PTPRD: variants seen among roughly 807,000 people sequenced by gnomAD.
PTPRD encodes the protein protein tyrosine phosphatase receptor type D.
Under a neutral mutation model 214.5 loss-of-function variants are expected in PTPRD, and 34 were observed. The ratio of observed to expected loss-of-function variants is 0.16; its 90% CI spans 0.12 to 0.21. The LOEUF is 0.21. PTPRD is among the 10% of genes least tolerant of loss of function. The pLI is 1.00. For synonymous variants in PTPRD, 1,128 were observed against 845.7 expected, an observed-to-expected ratio of 1.33 and a Z score of -5.79; for missense variants, 2,545 against 2,398.7, an observed-to-expected ratio of 1.06 and a Z score of -1.27.
At chr9:9,172,581 A>T (rs1241498731) in intron 10 of PTPRD, among the ~76,000 whole-genome samples, 1 of 152,082 alleles carries the variant, frequency 6.6e-6, no homozygotes, top group Non-Finnish European at 1.5e-5. Context: ...TAATTGGCTT[A>T]TTCATGATAG....
chr9:9,839,939 A>G (rs2057866922), intron 5 of PTPRD, among the ~76,000 whole-genome samples: 1 of 152,126 alleles, frequency 6.6e-6, no homozygotes, highest in Non-Finnish European at 1.5e-5. Context: ...CAAGTTGAAA[A>G]TTTGTATATA....
chr9:9,000,150 A>G (rs2099412254), intron 11 of PTPRD, among the ~76,000 whole-genome samples: 1 of 152,070 alleles, frequency 6.6e-6, no homozygotes, highest in Admixed American at 6.6e-5. Flanking sequence ...AGATAATTTC[A>G]TTGATTGCTT....
At chr9:10,310,654 G>A (rs1481239317) in intron 3 of PTPRD, among the ~76,000 whole-genome samples, 12 of 152,090 alleles carry the variant, frequency 7.9e-5, no homozygotes, top group Admixed American at 2.6e-4. Context: ...GTGTTTACAC[G>A]AATCCCAATG....
intron 11 of PTPRD, among the ~76,000 whole-genome samples, chr9:8,893,574 A>T (rs2098562806): frequency 6.6e-6 from 1 of 152,210 alleles, no homozygotes. Flanking sequence ...TGTGTGGAGC[A>T]GTGAGAGCTC....
rs530433864 is a variant in PTPRD, at chr9:8,790,395, G to A, written c.-103-56449C>T. Among the ~76,000 whole-genome samples, 21 of 141,970 alleles carry A rather than the reference G, an allele frequency of 1.5e-4. No homozygotes were observed. In the South Asian group the frequency reaches 2.1e-3, roughly 14 times the overall value. 93.1% of individuals were successfully genotyped at this position (141,970 alleles called of 152,430 possible). On this transcript the variant is annotated intron_variant, in intron 11 of 45. Coordinates refer to ENST00000381196, the MANE Select transcript of PTPRD (RefSeq NM_002839.4). ...CCAATAAAGTGTTAGCCTCAGGAGA[G>A]TAGGGAATCTTGTCTGTTTTTTGTT...
intron 30 of PTPRD, among the ~76,000 whole-genome samples, chr9:8,471,976 C>T (rs914551662): frequency 2.6e-5 from 4 of 152,104 alleles, no homozygotes; most frequent in African/African-American, 7.2e-5. Context: ...TTAATCACTT[C>T]CTACTTCTCA....
In PTPRD at chr9:10,027,139, C is replaced by G. The variant is rs568807893; in HGVS notation, c.-472+6579G>C. Among the ~76,000 whole-genome samples, 22 of 152,218 alleles carry G rather than the reference C, an allele frequency of 1.4e-4. No individual in the cohort carries two copies. In the South Asian group the frequency reaches 3.7e-3, roughly 26 times the overall value. ...GAGTCAGATTCCTGAAAATCTTACA[C>G]TTGGGGGGAAATGTCTGCTATAAAT... On this transcript the variant is annotated intron_variant, in intron 4 of 45. Coordinates refer to ENST00000381196, the MANE Select transcript of PTPRD (RefSeq NM_002839.4).
At chr9:8,608,433 G>C (rs2095320125) in intron 14 of PTPRD, among the ~76,000 whole-genome samples, 1 of 152,140 alleles carries the variant, frequency 6.6e-6, no homozygotes, top group African/African-American at 2.4e-5. Context: ...ACTTAGCAAA[G>C]CATCACTGTG....
intron 2 of PTPRD, among the ~76,000 whole-genome samples, chr9:10,435,664 G>T (rs938804960): frequency 6.6e-6 from 1 of 151,744 alleles, no homozygotes; most frequent in African/African-American, 2.4e-5. Context: ...AGCACAGCAG[G>T]AAAAATGAAT....
intron 4 of PTPRD, among the ~76,000 whole-genome samples, chr9:9,944,796 A>C (rs2092307179): frequency 6.6e-6 from 1 of 152,146 alleles, no homozygotes; most frequent in African/African-American, 2.4e-5. Context: ...AAGTTATTTT[A>C]AAAACTGGAG....
intron 14 of PTPRD, among the ~76,000 whole-genome samples, chr9:8,618,866 TTG>T (rs371767469): frequency 0.074 from 9,703 of 130,666 alleles, 403 homozygotes; most frequent in African/African-American, 0.12. Context: ...CCAGCTAATT[TTG>T]TGTGTGTGTG....
chr9:10,412,435 CA>C (rs551028936), intron 2 of PTPRD, among the ~76,000 whole-genome samples: 33 of 148,720 alleles, frequency 2.2e-4, no homozygotes, highest in Non-Finnish European at 3.9e-4. Context: ...GCCTGCCAAC[CA>C]AAAAAAAAGC....
chr9:9,288,651 T>G (rs1376286115), intron 9 of PTPRD, among the ~76,000 whole-genome samples: 1 of 151,940 alleles, frequency 6.6e-6, no homozygotes, highest in Non-Finnish European at 1.5e-5. Flanking sequence ...GTTATATGCT[T>G]GAATTTCATA....
At chr9:9,288,354 G>C (rs1006827676) in intron 9 of PTPRD, among the ~76,000 whole-genome samples, 6 of 151,646 alleles carry the variant, frequency 4.0e-5, no homozygotes, top group Admixed American at 1.3e-4. Context: ...TGGACCTTTT[G>C]CAGTCAAAAA....
intron 14 of PTPRD, among the ~76,000 whole-genome samples, chr9:8,544,291 C>T (rs1247990067): frequency 6.7e-6 from 1 of 150,292 alleles, no homozygotes; most frequent in Non-Finnish European, 1.5e-5. Flanking sequence ...CTCAGCCTCC[C>T]GAGTGATCTC....
At chr9:8,332,065 G>C (rs565146371) in intron 43 of PTPRD, among the ~76,000 whole-genome samples, 1 of 152,178 alleles carries the variant, frequency 6.6e-6, no homozygotes, top group South Asian at 2.1e-4. Flanking sequence ...GTGGGGGTTC[G>C]TAACCATTCA....
chr9:9,624,880 C>T (rs1159980947), intron 7 of PTPRD, among the ~76,000 whole-genome samples: 3 of 150,228 alleles, frequency 2.0e-5, no homozygotes, highest in African/African-American at 7.3e-5. Context: ...TGCGATTAAT[C>T]TGTTGGTTAC....
At chr9:10,244,747 G>A (rs1204686884) in intron 3 of PTPRD, among the ~76,000 whole-genome samples, 1 of 152,094 alleles carries the variant, frequency 6.6e-6, no homozygotes, top group African/African-American at 2.4e-5. Flanking sequence ...TTAAAACAGG[G>A]AGAGAAGTAG....
chr9:10,263,972 G>C (rs992484093), intron 3 of PTPRD, among the ~76,000 whole-genome samples: 4 of 152,124 alleles, frequency 2.6e-5, no homozygotes, highest in Non-Finnish European at 5.9e-5. Flanking sequence ...TACAGCTCAG[G>C]GCATGGCTTC....
Sources: allele counts gnomAD v4.1 joint callset (sites outside exome capture counted in the v4.1 genomes callset), GRCh38; gene constraint gnomAD v4.1.1; transcripts MANE v1.5; gene names NCBI Gene and HGNC (gene_info 2026-07-23, HGNC 2026-07-21).